The following TSHZ2 variants were observed in gnomAD, a reference collection of about 807,000 sequenced individuals.
TSHZ2 encodes the protein teashirt homolog 2.
A neutral mutation model predicts 74.4 loss-of-function variants in TSHZ2; 21 were observed. The observed-to-expected ratio is 0.28, with a 90% CI of 0.20 to 0.41. The LOEUF (loss-of-function observed/expected upper bound fraction) is 0.41, where lower values mean the gene tolerates loss of function less well. Among genes scored for constraint, TSHZ2 ranks in the 10% least tolerant of loss-of-function variants. The pLI is 1.00. For synonymous variants in TSHZ2, 540 were observed against 515.3 expected (o/e 1.05, Z -0.65); for missense variants, 1,244 against 1,293.5 (o/e 0.96, Z 0.59).
intron 1 of TSHZ2, among the ~76,000 whole-genome samples, chr20:52,983,310 T>C (rs1981635067): frequency 6.6e-6 from 1 of 152,226 alleles, no homozygotes; most frequent in Admixed American, 6.5e-5. Context: ...CATATAAAAC[T>C]CTTGGTGCGG....
chr20:53,191,190 C>T lies in TSHZ2; in HGVS notation c.41-62309C>T, dbSNP rs150725216. On this transcript the variant is annotated intron_variant, in intron 1 of 2. Coordinates refer to ENST00000371497, the MANE Select transcript of TSHZ2 (RefSeq NM_173485.6). ...TATATGTACAAATCAAACATTATTA[C>T]GTATTGTATTGTATATGTAATGTAT... Among the ~76,000 whole-genome samples the T allele has an allele frequency of 4.5e-3, 684 of 151,966 alleles. 4 individuals carry two copies. The highest frequency in any genetic ancestry group is 0.015 in the African/African-American group (608 of 41,416).
At position 52,993,918 on chromosome 20, in the gene TSHZ2, G is replaced by A. The variant is rs146156167; in HGVS notation, c.40+20585G>A. On this transcript the variant is annotated intron_variant, in intron 1 of 2. Coordinates refer to ENST00000371497, the MANE Select transcript of TSHZ2 (RefSeq NM_173485.6). ...AGGAGCAAAGGGAAGTTTGTGGGGT[G>A]AGGATGTGAGCTGGAAACCTTGCTG... 9.1e-4 allele frequency among the ~76,000 whole-genome samples: 138 copies of A among 152,338 alleles called. No homozygotes were observed. The Middle Eastern group carries it at 0.01, about 11-fold the overall frequency.
rs60814900 is a variant in TSHZ2 at position 53,364,003 on chromosome 20, A to G, written c.*8+107432A>G. On this transcript the variant is annotated intron_variant, in intron 2 of 2. Transcript: ENST00000371497. ...GGGAGAGACTGATAATAATAAAAAC[A>G]TATGGATGGTGTTAAATAGTAATAA... Among the ~76,000 whole-genome samples the G allele has an allele frequency of 1.1e-4, 16 of 152,374 alleles. No homozygotes were observed. The East Asian group carries it at 2.7e-3, about 26-fold the overall frequency.
At chr20:53,104,878 G>T (rs916934677) in intron 1 of TSHZ2, among the ~76,000 whole-genome samples, 1 of 152,190 alleles carries the variant, frequency 6.6e-6, no homozygotes, top group African/African-American at 2.4e-5. Context: ...ATGTTTCTGT[G>T]CATGTTTGAG....
intron 1 of TSHZ2, among the ~76,000 whole-genome samples, chr20:53,176,498 G>T (rs6022321): frequency 3.3e-5 from 5 of 151,934 alleles, no homozygotes; most frequent in African/African-American, 7.3e-5. Context: ...CCAAGGGGAC[G>T]TGACTGAGGA....
At chr20:53,042,751 A>T (rs908779092) in intron 1 of TSHZ2, among the ~76,000 whole-genome samples, 1 of 151,748 alleles carries the variant, frequency 6.6e-6, no homozygotes, top group African/African-American at 2.4e-5. Context: ...GCTACCAAGG[A>T]GGCTAAAACA....
intron 2 of TSHZ2, among the ~76,000 whole-genome samples, chr20:53,316,372 A>C (rs916293252): frequency 3.3e-5 from 5 of 152,160 alleles, no homozygotes; most frequent in African/African-American, 4.8e-5. Flanking sequence ...TGAGAGAAAA[A>C]GAACCCTCCA....
intron 1 of TSHZ2, among the ~76,000 whole-genome samples, chr20:53,078,684 A>T (rs989034084): frequency 6.6e-6 from 1 of 152,224 alleles, no homozygotes; most frequent in Non-Finnish European, 1.5e-5. Flanking sequence ...TGACAAAAAG[A>T]TGGTGGCTTA....
At chr20:53,033,368 A>G (rs568097090) in intron 1 of TSHZ2, among the ~76,000 whole-genome samples, 1 of 152,264 alleles carries the variant, frequency 6.6e-6, no homozygotes, top group South Asian at 2.1e-4. Flanking sequence ...TGCCAGTGTC[A>G]ATGTGTGATG....
intron 1 of TSHZ2, among the ~76,000 whole-genome samples, chr20:53,017,766 C>T (rs560842399): frequency 4.3e-4 from 65 of 152,204 alleles, no homozygotes; most frequent in African/African-American, 1.4e-3. Flanking sequence ...CCTTTTAATG[C>T]GTCTTCACCC....
At chr20:53,361,596 T>A (rs1033916558) in intron 2 of TSHZ2, among the ~76,000 whole-genome samples, 7 of 152,214 alleles carry the variant, frequency 4.6e-5, no homozygotes, top group African/African-American at 9.6e-5. Flanking sequence ...CCCTTTCTTT[T>A]GATCAATAGT....
chr20:53,054,899 T>A (rs1381828409), intron 1 of TSHZ2, among the ~76,000 whole-genome samples: 1 of 152,082 alleles, frequency 6.6e-6, no homozygotes, highest in East Asian at 1.9e-4. Flanking sequence ...TCATGCTCAT[T>A]TAAAGGAGGT....
chr20:53,446,578 C>CA lies in TSHZ2; in HGVS notation c.*9-40549dup, dbSNP rs5841946. Among the ~76,000 whole-genome samples, 774 of 105,730 alleles carry CA rather than the reference C, an allele frequency of 7.3e-3. 8 individuals carry two copies. The highest frequency in any genetic ancestry group is 0.016 in the African/African-American group (466 of 29,248). The allele number at this position is 105,730 out of a possible 152,430, so 69.4% of individuals were successfully genotyped here. ...TGGGTGACAGAGCGAGACTCTGTCGCAAAAAAAAAAAAAAAAAGAGAGAGA... is the reference window on the plus strand; with the variant it reads ...TGGGTGACAGAGCGAGACTCTGTCGCAAAAAAAAAAAAAAAAAAGAGAGAGA... On this transcript the variant is annotated intron_variant, in intron 2 of 2. Transcript: ENST00000371497.
chr20:53,138,493 G>A (rs566779004), intron 1 of TSHZ2, among the ~76,000 whole-genome samples: 6 of 151,792 alleles, frequency 4.0e-5, no homozygotes, highest in Non-Finnish European at 8.8e-5. Flanking sequence ...TTTTCAACCA[G>A]GGCTTTTCTC....
chr20:53,346,740 T>C (rs1213692352), intron 2 of TSHZ2, among the ~76,000 whole-genome samples: 2 of 152,212 alleles, frequency 1.3e-5, no homozygotes, highest in Non-Finnish European at 2.9e-5. Context: ...ACGTCGCAAC[T>C]GCGTAGGTCA....
chr20:53,003,878 CTTCTTTTTTTTCTTT>C (rs1214699098), intron 1 of TSHZ2, among the ~76,000 whole-genome samples: 1 of 151,894 alleles, frequency 6.6e-6, no homozygotes, highest in Non-Finnish European at 1.5e-5. Context: ...CTTCTCTTTC[CTTCTTTTTTTTCTTT>C]TTCTTTTTTT....
chr20:53,453,438 T>A (rs980179523), intron 2 of TSHZ2, among the ~76,000 whole-genome samples: 4 of 152,230 alleles, frequency 2.6e-5, no homozygotes, highest in African/African-American at 9.6e-5. Flanking sequence ...AATTAAATGT[T>A]TACCTTTCTC....
intron 1 of TSHZ2, among the ~76,000 whole-genome samples, chr20:53,227,553 G>A (rs1989713599): frequency 6.6e-6 from 1 of 151,916 alleles, no homozygotes; most frequent in African/African-American, 2.4e-5. Context: ...TAAATGTTGG[G>A]AGTGATTTAA....
chr20:53,270,504 G>A (rs1990812451), intron 2 of TSHZ2, among the ~76,000 whole-genome samples: 1 of 152,132 alleles, frequency 6.6e-6, no homozygotes, highest in African/African-American at 2.4e-5. Flanking sequence ...TAGCAGAGCT[G>A]GAAACTAAGT....
Sources: gnomAD v4.1 joint callset for allele counts (sites outside exome capture counted in the v4.1 genomes callset) on GRCh38, gnomAD v4.1.1 for gene constraint, MANE v1.5 for transcripts, NCBI Gene and HGNC (gene_info 2026-07-23, HGNC 2026-07-21) for gene names.